Variants in COL6A1 observed in about 807,000 individuals in gnomAD.
COL6A1 encodes collagen type VI alpha 1 chain, also known as collagen alpha-1(VI) chain.
A neutral mutation model predicts 145.6 loss-of-function variants in COL6A1; 80 were observed. That is an observed-to-expected ratio of 0.55 (90% confidence interval 0.46 to 0.66). COL6A1 has a LOEUF of 0.66. Ranked by LOEUF, COL6A1 falls within the 30% of genes least tolerant of loss-of-function variation. The pLI is 0.00. For missense variants in COL6A1, 1,364 were observed against 1,473.8 expected, an observed-to-expected ratio of 0.93 and a Z score of 1.22; for synonymous variants, 638 against 622.8, an observed-to-expected ratio of 1.02 and a Z score of -0.36.
chr21:45,996,750 G>A (rs1010764454), intron 20 of COL6A1, among the ~76,000 whole-genome samples: 3 of 152,190 alleles, frequency 2.0e-5, no homozygotes, highest in Non-Finnish European at 2.9e-5. Flanking sequence ...GCAGGGACTC[G>A]CCGCTGGAGT....
At chr21:45,985,454 G>A (rs1352751177) in intron 3 of COL6A1, among the ~76,000 whole-genome samples, 1 of 152,202 alleles carries the variant, frequency 6.6e-6, no homozygotes, top group African/African-American at 2.4e-5. Flanking sequence ...GAGAGACTGA[G>A]AGAGACGGGG....
chr21:45,997,356 G>A, intron 20 of COL6A1, 65 bp from the exon 21 acceptor site: 1 of 1,485,838 alleles, frequency 6.7e-7, no homozygotes, highest in Middle Eastern at 1.7e-4. Flanking sequence ...CCTCAGCTTA[G>A]GGTCAGGGAG....
At position 45,989,601 on chromosome 21, in the gene COL6A1, G is replaced by A. The variant is rs560393828; in HGVS notation, c.859-7G>A. 1.2e-6 allele frequency: 2 copies of A among 1,612,844 alleles called. No individual in the cohort carries two copies. Among genetic ancestry groups the A allele is most frequent in the Non-Finnish European group, 1.7e-6 (2 of 1,179,970 alleles). On this transcript the variant is annotated splice_region_variant and splice_polypyrimidine_tract_variant and intron_variant, in intron 9 of 34. Transcript: ENST00000361866. ...GGGGTGTCTCACCATCTCCTCCTGT[G>A]TTCCAGGGAAGACCCGGGGACCTCG...
chr21:45,992,675 G>T lies in COL6A1; in HGVS notation c.1273-73G>T. 3 of 1,450,768 alleles carry T rather than the reference G, an allele frequency of 2.1e-6. No homozygotes were observed. In the South Asian group the frequency reaches 3.7e-5, roughly 18 times the overall value. 89.9% of individuals were successfully genotyped at this position (1,450,768 alleles called of 1,614,324 possible). On this transcript the variant is annotated intron_variant, in intron 18 of 34. Transcript: ENST00000361866. Reference sequence around the variant, plus strand: ...TGCTGGGGGAGTCAGTCCAGGCCAGGCCTCAAGCCCCACCCCAGCTGGGTG... The same window carrying T: ...TGCTGGGGGAGTCAGTCCAGGCCAGTCCTCAAGCCCCACCCCAGCTGGGTG...
Position 45,986,660 on chromosome 21 carries a change from C to T in COL6A1, c.563C>T (p.Ser188Leu), listed in dbSNP as rs1313425639. 5 of 1,549,772 alleles carry T rather than the reference C, an allele frequency of 3.2e-6. No homozygotes were observed. The highest frequency in any genetic ancestry group is 3.5e-6 in the Non-Finnish European group (4 of 1,147,384). Residue 188 changes from serine (S) to leucine (L), a missense_variant, in exon 4 of 35, where the codon TCG (serine) becomes TTG (leucine). Transcript: ENST00000361866. ...AAGCACCTGGGCGTCAAAGTCTTCT[C>T]GGTGGCCATCACACCCGACCACCTG... ...EAKHLGVKVF[S>L]VAITPDHLEP... is the part of the protein sequence containing the mutation.
At position 45,994,370 on chromosome 21, in the gene COL6A1, C is replaced by T. The variant is rs999299133; in HGVS notation, c.1398+141C>T. The T allele has an allele frequency of 6.8e-6, 6 of 878,416 alleles. No homozygotes were observed. Among genetic ancestry groups the T allele is most frequent in the Admixed American group, 2.1e-5 (1 of 48,506 alleles). 54.4% of individuals were successfully genotyped at this position (878,416 alleles called of 1,614,324 possible). ...TCCGTAGATCTCGGGGGTGTCCCTGCGTGGGAGCCGGCTGCAGGGGGTGAG... is the reference window on the plus strand; with the variant it reads ...TCCGTAGATCTCGGGGGTGTCCCTGTGTGGGAGCCGGCTGCAGGGGGTGAG... On this transcript the variant is annotated intron_variant, in intron 20 of 34. Coordinates refer to ENST00000361866, the MANE Select transcript of COL6A1 (RefSeq NM_001848.3). This position sits in a 1 kb window ranked among gnomAD's most constrained non-coding sequence, Gnocchi z 6.8.
chr21:45,990,219 C>G, intron 11 of COL6A1, 39 bp from the exon 12 acceptor site: 1 of 1,612,138 alleles, frequency 6.2e-7, no homozygotes, highest in Non-Finnish European at 8.5e-7. Flanking sequence ...GCCCTCCCCA[C>G]CCCAAATACC....
intron 3 of COL6A1, 55 bp from the exon 4 acceptor site, chr21:45,986,471 T>G: frequency 6.5e-7 from 1 of 1,533,100 alleles, no homozygotes; most frequent in Non-Finnish European, 8.8e-7. Flanking sequence ...GGCTTGGGTC[T>G]CCCTCCAGTT....
Position 46,003,437 on chromosome 21 carries a change from C to T in COL6A1, c.2511C>T (p.Ser837=), listed in dbSNP as rs1029213228. ...PADITILLDG[S]ASVGSHNFDT... is the part of the protein sequence containing the mutation. ...ACATCACCATCCTGCTGGACGGCTC[C>T]GCCAGCGTGGGCAGCCACAACTTTG... Residue 837 remains serine (S), a synonymous_variant, in exon 35 of 35, where the codon TCC becomes TCT. Coordinates refer to ENST00000361866, the MANE Select transcript of COL6A1 (RefSeq NM_001848.3). The T allele has an allele frequency of 5.6e-6, 9 of 1,603,710 alleles. No homozygotes were observed. The Admixed American group carries it at 6.7e-5, about 12-fold the overall frequency.
At chr21:46,002,441 G>A in intron 32 of COL6A1, 40 bp downstream of exon 32, 1 of 1,612,734 alleles carries the variant, frequency 6.2e-7, no homozygotes. Flanking sequence ...CCCCGCCTAG[G>A]GCGCCCCGCC....
chr21:45,981,979 C>A (rs532927397), intron 1 of COL6A1, 32 bp downstream of exon 1: 2 of 1,524,500 alleles, frequency 1.3e-6, no homozygotes, highest in Admixed American at 1.8e-5. Context: ...AGGCTCCAGA[C>A]CCCCCGCTCT....
chr21:45,983,009 CG>C (rs776596051), intron 2 of COL6A1, among the ~76,000 whole-genome samples: 5 of 152,184 alleles, frequency 3.3e-5, no homozygotes, highest in Admixed American at 3.3e-4. Flanking sequence ...ACCCTGCTCG[CG>C]GGGGTGGCAC....
At position 45,994,340 on chromosome 21, in the gene COL6A1, G is replaced by A; in HGVS notation, c.1398+111G>A. 2.8e-6 allele frequency: 3 copies of A among 1,078,832 alleles called. No individual in the cohort carries two copies. Among genetic ancestry groups the A allele is most frequent in the Non-Finnish European group, 4.2e-6 (3 of 720,038 alleles). 66.8% of individuals were successfully genotyped at this position (1,078,832 alleles called of 1,614,324 possible). On this transcript the variant is annotated intron_variant, in intron 20 of 34. Transcript: ENST00000361866. This position sits in a 1 kb window ranked among gnomAD's most constrained non-coding sequence, Gnocchi z 6.8. ...TGTTCATTTCCGTTTGAGGGCCTCTGTGTTTCCGTAGATCTCGGGGGTGTC... is the reference window on the plus strand; with the variant it reads ...TGTTCATTTCCGTTTGAGGGCCTCTATGTTTCCGTAGATCTCGGGGGTGTC...
intron 1 of COL6A1, 21 bp from the exon 2 acceptor site, chr21:45,982,613 C>T (rs757493554): frequency 6.2e-7 from 1 of 1,612,646 alleles, no homozygotes. Flanking sequence ...TTGAAGGCCC[C>T]TCTCCTCCAT....
chr21:46,001,991 G>C lies in COL6A1; in HGVS notation c.1987G>C (p.Val663Leu), dbSNP rs1267902525. The change falls in exon 31 of 35, where the codon GTG (valine) becomes CTG (leucine). Residue 663 changes from valine (V) to leucine (L), a missense_variant. Val to Leu is a conservative substitution (Grantham distance 32). This residue lies in a region of COL6A1 where 938 missense variants were observed against 1,003.8 expected (regional missense o/e 0.93). Coordinates refer to ENST00000361866, the MANE Select transcript of COL6A1 (RefSeq NM_001848.3). Reference protein sequence around the residue: ...FEPGQSYAGVVQYSHSQMQEH... With the variant: ...FEPGQSYAGVLQYSHSQMQEH... ...GCCAGGGCAGTCGTACGCGGGTGTG[G>C]TGCAGTACAGCCACAGCCAGATGCA... is the stretch of plus-strand genomic sequence containing the variant. The C allele has an allele frequency of 6.2e-7, 1 of 1,612,534 alleles. No individual in the cohort carries two copies. The highest frequency in any genetic ancestry group is 1.7e-5 in the Admixed American group (1 of 60,000).
rs1229853762 is a variant in COL6A1 at position 45,982,749 on chromosome 21, C to T, written c.213C>T (p.Asp71=). Residue 71 remains aspartate, a synonymous_variant, in exon 2 of 35, where the codon GAC becomes GAT. Transcript: ENST00000361866. ...AGTCCTTCACCAAGCGCTTCATCGA[C>T]AACCTGAGGGACAGGTAGGAGGGAC... ...KVKSFTKRFI[D]NLRDRYYRCD... 1 of 1,612,500 alleles carries T rather than the reference C, an allele frequency of 6.2e-7. No homozygotes were observed. The highest frequency in any genetic ancestry group is 2.2e-5 in the East Asian group (1 of 44,884).
Position 45,998,946 on chromosome 21 carries a change from A to T in COL6A1, c.1661A>T (p.Asp554Val). The T allele has an allele frequency of 3.2e-6, 5 of 1,554,368 alleles. No individual in the cohort carries two copies. Among genetic ancestry groups the T allele is most frequent in the Non-Finnish European group, 4.4e-6 (5 of 1,148,448 alleles). The change falls in exon 25 of 35, where the codon GAC (aspartate) becomes GTC (valine). Residue 554 changes from aspartate to valine, a missense_variant. Physicochemically the swap from Asp to Val is radical, Grantham distance 152 (BLOSUM62 -3). Transcript: ENST00000361866. ...AAGGGGGACGAGGGAGAAGCCGGGG[A>T]CCCCGGAGACGATGTAAGTGTGGAT... ...GLKGDEGEAGDPGDDNNDIAP... is the reference protein window; with the variant it reads ...GLKGDEGEAGVPGDDNNDIAP...
At chr21:45,995,859 G>A (rs1342522367) in intron 20 of COL6A1, among the ~76,000 whole-genome samples, 1 of 152,208 alleles carries the variant, frequency 6.6e-6, no homozygotes, top group Non-Finnish European at 1.5e-5. Flanking sequence ...GCCTTTCGGG[G>A]CCCGGGGGTG....
chr21:45,992,511 G>A, intron 18 of COL6A1, 113 bp downstream of exon 18: 3 of 1,327,072 alleles, frequency 2.3e-6, no homozygotes, highest in Non-Finnish European at 3.1e-6. Flanking sequence ...TCCTGCCCAA[G>A]ACAAATGGGT....
Sources: gnomAD v4.1 joint callset for allele counts (sites outside exome capture counted in the v4.1 genomes callset) on GRCh38, gnomAD v4.1.1 for gene constraint, gnomAD v4.1.1 regional missense constraint, Gnocchi (gnomAD v3.1) non-coding constraint, MANE v1.5 for transcripts, NCBI Gene and HGNC (gene_info 2026-07-23, HGNC 2026-07-21) for gene names.